Variants in ULK4 observed in about 807,000 individuals in gnomAD.
ULK4 encodes unc-51 like kinase 4.
In ULK4, 133 loss-of-function variants were observed where a neutral mutation model predicts 160.6. The ratio of observed to expected loss-of-function variants is 0.83; its 90% CI spans 0.72 to 0.96. ULK4 has a LOEUF of 0.96. Among genes scored for constraint, ULK4 ranks in the 40% least tolerant of loss-of-function variants. ULK4 has a pLI of 0.00. For synonymous variants in ULK4, 534 were observed against 539.8 expected, an observed-to-expected ratio of 0.99 and a Z score of 0.15; for missense variants, 1,580 against 1,499.5, an observed-to-expected ratio of 1.05 and a Z score of -0.89.
At chr3:41,756,658 A>C (rs1198802154) in intron 21 of ULK4, among the ~76,000 whole-genome samples, 3 of 152,184 alleles carry the variant, frequency 2.0e-5, no homozygotes, top group Non-Finnish European at 4.4e-5. Context: ...CCCCCAGAGA[A>C]AACTCAGGAG....
intron 17 of ULK4, among the ~76,000 whole-genome samples, chr3:41,847,075 C>T (rs1270816884): frequency 6.6e-6 from 1 of 152,082 alleles, no homozygotes; most frequent in Non-Finnish European, 1.5e-5. Context: ...TGCCATTTTC[C>T]ACACTACTTC....
At chr3:41,557,270 C>G (rs1253469675) in intron 32 of ULK4, among the ~76,000 whole-genome samples, 3 of 151,940 alleles carry the variant, frequency 2.0e-5, no homozygotes, top group Non-Finnish European at 2.9e-5. Flanking sequence ...ACATCTACCC[C>G]ACTCTATTTG....
In ULK4 at chr3:41,653,451, G is replaced by C. The variant is rs184279404; in HGVS notation, c.3071+10156C>G. Reference sequence around the variant, plus strand: ...CCTTCCTCTTGGATCTTTTAGTAACGAACTATTTTTTCAATGGCAATTGTC... The same window carrying C: ...CCTTCCTCTTGGATCTTTTAGTAACCAACTATTTTTTCAATGGCAATTGTC... On this transcript the variant is annotated intron_variant, in intron 30 of 36. Coordinates refer to ENST00000301831, the MANE Select transcript of ULK4 (RefSeq NM_017886.4). Among the ~76,000 whole-genome samples the C allele has an allele frequency of 3.0e-3, 458 of 152,136 alleles. 1 individual carries two copies. Among genetic ancestry groups the C allele is most frequent in the African/African-American group, 0.011 (441 of 41,502 alleles).
intron 35 of ULK4, among the ~76,000 whole-genome samples, chr3:41,373,956 T>C (rs962017763): frequency 6.6e-6 from 1 of 152,064 alleles, no homozygotes; most frequent in Non-Finnish European, 1.5e-5. Context: ...AAAGGGCATA[T>C]CACCACTAAT....
At chr3:41,466,466 G>T (rs1455118250) in intron 32 of ULK4, among the ~76,000 whole-genome samples, 1 of 152,106 alleles carries the variant, frequency 6.6e-6, no homozygotes, top group African/African-American at 2.4e-5. Context: ...CAAATGGGGG[G>T]AAAAGAGAGA....
rs771156422 is a variant in ULK4 at position 41,752,840 on chromosome 3, G to T, written c.2321+1521C>A. 3.8e-4 allele frequency among the ~76,000 whole-genome samples: 58 copies of T among 152,152 alleles called. 1 individual carries two copies. The Middle Eastern group carries it at 0.01, about 27-fold the overall frequency. ...GTTATCTCCCCCTTCCCCGAAAAAAGAATTCTCTTCTCCCTAACAGACCTG... is the reference window on the plus strand; with the variant it reads ...GTTATCTCCCCCTTCCCCGAAAAAATAATTCTCTTCTCCCTAACAGACCTG... On this transcript the variant is annotated intron_variant, in intron 22 of 36. Coordinates refer to ENST00000301831, the MANE Select transcript of ULK4 (RefSeq NM_017886.4).
chr3:41,948,149 A>T (rs1265282794), intron 2 of ULK4, among the ~76,000 whole-genome samples: 1 of 152,024 alleles, frequency 6.6e-6, no homozygotes, highest in African/African-American at 2.4e-5. Context: ...GACGTAAGAG[A>T]CATCATGAAA....
chr3:41,419,094 G>A (rs2082598863), intron 34 of ULK4, among the ~76,000 whole-genome samples: 1 of 152,174 alleles, frequency 6.6e-6, no homozygotes, highest in Non-Finnish European at 1.5e-5. Context: ...TAGATAAATG[G>A]ATAAATGATA....
At chr3:41,500,359 A>T (rs893764626) in intron 32 of ULK4, among the ~76,000 whole-genome samples, 1 of 151,660 alleles carries the variant, frequency 6.6e-6, no homozygotes, top group African/African-American at 2.4e-5. Context: ...AAAACTATCA[A>T]TGTCAGGATC....
At chr3:41,579,178 C>T (rs1237236271) in intron 31 of ULK4, among the ~76,000 whole-genome samples, 2 of 152,148 alleles carry the variant, frequency 1.3e-5, no homozygotes, top group Non-Finnish European at 2.9e-5. Context: ...ATATTTTTAA[C>T]CACTGTATTC....
chr3:41,417,214 T>C (rs1339931953), intron 34 of ULK4, among the ~76,000 whole-genome samples: 1 of 152,154 alleles, frequency 6.6e-6, no homozygotes, highest in Non-Finnish European at 1.5e-5. Context: ...GCATCAGACT[T>C]AGACGTGATT....
chr3:41,773,827 C>T (rs908339117), intron 21 of ULK4, among the ~76,000 whole-genome samples: 1 of 152,144 alleles, frequency 6.6e-6, no homozygotes, highest in African/African-American at 2.4e-5. Context: ...AACTATACTA[C>T]AAGGCTACGG....
intron 32 of ULK4, among the ~76,000 whole-genome samples, chr3:41,541,530 T>C (rs1451269795): frequency 6.6e-6 from 1 of 152,200 alleles, no homozygotes; most frequent in East Asian, 1.9e-4. Context: ...TGGTCCCGTA[T>C]GAAATTTAAA....
chr3:41,588,375 C>T (rs906992041), intron 31 of ULK4, among the ~76,000 whole-genome samples: 33 of 152,124 alleles, frequency 2.2e-4, no homozygotes, highest in South Asian at 6.2e-4. Context: ...AAAGATAAAA[C>T]GATTATGCTT....
chr3:41,662,976 T>G, intron 30 of ULK4, among the ~76,000 whole-genome samples: 1 of 151,720 alleles, frequency 6.6e-6, no homozygotes, highest in Non-Finnish European at 1.5e-5. Flanking sequence ...ATCCCAGCAC[T>G]TTGGGAGGCC....
At chr3:41,633,681 C>G (rs539494023) in intron 30 of ULK4, among the ~76,000 whole-genome samples, 1 of 152,166 alleles carries the variant, frequency 6.6e-6, no homozygotes, top group African/African-American at 2.4e-5. Context: ...TATGACTAAT[C>G]TCAAGATGAT....
intron 17 of ULK4, among the ~76,000 whole-genome samples, chr3:41,872,136 T>C (rs1407367979): frequency 6.6e-6 from 1 of 152,182 alleles, no homozygotes; most frequent in Admixed American, 6.5e-5. Context: ...TACAGGACGC[T>C]CAGTCCTAAG....
chr3:41,878,675 TAAAAAAAAAAA>T (rs33987084), intron 17 of ULK4, among the ~76,000 whole-genome samples: 1 of 95,934 alleles, frequency 1.0e-5, no homozygotes, highest in African/African-American at 4.0e-5. Flanking sequence ...TTAAAACTGT[TAAAAAAAAAAA>T]AAAAAAAAAA....
chr3:41,465,401 G>A (rs930900692), intron 32 of ULK4, among the ~76,000 whole-genome samples: 2 of 152,042 alleles, frequency 1.3e-5, no homozygotes, highest in Non-Finnish European at 2.9e-5. Context: ...ATAAAGACTC[G>A]TTTTTAACTA....
Sources: allele counts gnomAD v4.1 joint callset (sites outside exome capture counted in the v4.1 genomes callset), GRCh38; gene constraint gnomAD v4.1.1; transcripts MANE v1.5; gene names NCBI Gene and HGNC (gene_info 2026-07-23, HGNC 2026-07-21).